MYT1: variants seen among roughly 807,000 people sequenced by gnomAD.
The protein encoded by MYT1 is myelin transcription factor 1, also known as myelin transcription factor I.
Under a neutral mutation model 123.0 loss-of-function variants are expected in MYT1, and 23 were observed. That is an observed-to-expected ratio of 0.19 (90% CI 0.13 to 0.26). MYT1 has a LOEUF of 0.26. Ranked by LOEUF, MYT1 falls within the 10% of genes least tolerant of loss-of-function variation. MYT1 has a pLI of 1.00. For synonymous variants in MYT1, 518 were observed against 575.3 expected, an observed-to-expected ratio of 0.90 and a Z score of 1.43; for missense variants, 1,125 against 1,472.5, an observed-to-expected ratio of 0.76 and a Z score of 3.86.
At chr20:64,172,663 C>T (rs1414276629) in intron 1 of MYT1, among the ~76,000 whole-genome samples, 1 of 151,624 alleles carries the variant, frequency 6.6e-6, no homozygotes, top group Non-Finnish European at 1.5e-5. Flanking sequence ...GCGAAGCCGA[C>T]GTGTCTTCTG....
At chr20:64,239,720 G>A (rs1430188151) in intron 21 of MYT1, 40 bp from the exon 22 acceptor site, 3 of 1,611,808 alleles carry the variant, frequency 1.9e-6, no homozygotes, top group Non-Finnish European at 8.5e-7. Context: ...GAGGATGGGG[G>A]CCAAGGGCAG....
In MYT1 at chr20:64,186,989, C is replaced by T. The variant is rs1481062694; in HGVS notation, c.-98-3074C>T. ...TTTCCGTGGAGAGTTTTCCTGTAGC[C>T]TGTGGCCCCGGCATCCACGTTTCCG... On this transcript the variant is annotated intron_variant, in intron 1 of 22. Transcript: ENST00000328439. The surrounding 1 kb of genome is among the most constrained non-coding windows in gnomAD (Gnocchi z 4.3). Among the ~76,000 whole-genome samples, 1 of 143,026 alleles carries T rather than the reference C, an allele frequency of 7.0e-6. No individual in the cohort carries two copies. The highest frequency in any genetic ancestry group is 2.6e-5 in the African/African-American group (1 of 37,954). The allele number at this position is 143,026 out of a possible 152,430, so 93.8% of individuals were successfully genotyped here.
At chr20:64,222,130 G>A (rs1448711392) in intron 14 of MYT1, 83 bp downstream of exon 14, 29 of 1,503,006 alleles carry the variant, frequency 1.9e-5, no homozygotes, top group African/African-American at 2.8e-5. Flanking sequence ...AACCCATGAC[G>A]ACCGGGTCTG....
At chr20:64,188,503 C>A (rs1428136732) in intron 1 of MYT1, among the ~76,000 whole-genome samples, 1 of 152,176 alleles carries the variant, frequency 6.6e-6, no homozygotes. Flanking sequence ...TGTCTCTCAG[C>A]TTCTGTTGAC....
rs184899693 is a variant in MYT1 at position 64,208,544 on chromosome 20, T to G, written c.1291+57T>G. On this transcript the variant is annotated intron_variant, in intron 7 of 22. Coordinates refer to ENST00000328439, the MANE Select transcript of MYT1 (RefSeq NM_004535.3). This position sits in a 1 kb window ranked among gnomAD's most constrained non-coding sequence, Gnocchi z 5.4. ...CTCATCCTTTCACCCCTGCCCCAGG[T>G]GTGCAGATGCAGGCTGAGAGCCCTT... is the stretch of plus-strand genomic sequence containing the variant. The G allele has an allele frequency of 7.6e-4, 1,152 of 1,522,738 alleles. 3 individuals are homozygous for G. Among genetic ancestry groups the G allele is most frequent in the Non-Finnish European group, 9.8e-4 (1,111 of 1,135,604 alleles). The allele number at this position is 1,522,738 out of a possible 1,614,324, so 94.3% of individuals were successfully genotyped here.
chr20:64,227,871 T>G lies in MYT1; in HGVS notation c.2592-17T>G. The G allele has an allele frequency of 6.2e-7, 1 of 1,610,376 alleles. No individual in the cohort carries two copies. The highest frequency in any genetic ancestry group is 2.2e-5 in the East Asian group (1 of 44,834). On this transcript the variant is annotated splice_polypyrimidine_tract_variant and intron_variant, in intron 17 of 22. Coordinates refer to ENST00000328439, the MANE Select transcript of MYT1 (RefSeq NM_004535.3). ...GTTCCAGCACTAAGGTGGCCTTTTT[T>G]CCTCTTTCGAAATCAGCTTGTCCGG...
intron 21 of MYT1, among the ~76,000 whole-genome samples, chr20:64,237,736 C>A (rs1422878476): frequency 6.6e-6 from 1 of 152,200 alleles, no homozygotes; most frequent in Non-Finnish European, 1.5e-5. Flanking sequence ...TCAAGACCAG[C>A]GGTCCCATTA....
rs1217150562 is a variant in MYT1, at chr20:64,237,300, T to C, written c.3003T>C (p.Asp1001=). 4 of 1,610,930 alleles carry C rather than the reference T, an allele frequency of 2.5e-6. No individual in the cohort carries two copies. The highest frequency in any genetic ancestry group is 3.4e-6 in the Non-Finnish European group (4 of 1,179,262). Residue 1001 remains aspartate (D), a synonymous_variant, in exon 21 of 23, where the codon GAT becomes GAC. Coordinates refer to ENST00000328439, the MANE Select transcript of MYT1 (RefSeq NM_004535.3). The stretch of plus-strand genomic sequence containing the variant: ...TCTCTGGGTCAGTGTTGGAGAATGA[T>C]GAGGAGATCAAGCAGCTGAACCAGG... ...KFKTSDVLEN[D]EEIKQLNQEI...
Position 64,203,470 on chromosome 20 carries a change from C to G in MYT1, c.87-1565C>G, listed in dbSNP as rs1983383803. ...CTCCCTCAGTTTGGAAAGGGAGCCC[C>G]CAGTCGAGTGTGGTGTGCCCTCCCT... On this transcript the variant is annotated intron_variant, in intron 4 of 22. Transcript: ENST00000328439. The surrounding 1 kb of genome is among the most constrained non-coding windows in gnomAD (Gnocchi z 5.1). 6.6e-6 allele frequency among the ~76,000 whole-genome samples: 1 copy of G among 152,128 alleles called. No individual in the cohort carries two copies. The highest frequency in any genetic ancestry group is 2.1e-4 in the South Asian group (1 of 4,824).
At chr20:64,201,916 G>GTGTGTCGGGAACCCC (rs1568708028) in intron 4 of MYT1, among the ~76,000 whole-genome samples, 36 of 138,458 alleles carry the variant, frequency 2.6e-4, no homozygotes, top group African/African-American at 9.0e-4. Flanking sequence ...GGGAACCCCC[G>GTGTGTCGGGAACCCC]CGTGTCGGGA....
chr20:64,222,980 G>C lies in MYT1; in HGVS notation c.2397-131G>C, dbSNP rs896147425. ...GCACCGGCTGTCCTCCAAGGACTGA[G>C]TGGAGGAGGGGCCACCGCTTGGCTC... On this transcript the variant is annotated intron_variant, in intron 14 of 22. Transcript: ENST00000328439. 15 of 913,702 alleles carry C rather than the reference G, an allele frequency of 1.6e-5. No homozygotes were observed. The African/African-American group carries it at 2.3e-4, about 14-fold the overall frequency. The allele number at this position is 913,702 out of a possible 1,614,324, so 56.6% of individuals were successfully genotyped here.
chr20:64,225,372 A>G (rs752831747), intron 16 of MYT1, among the ~76,000 whole-genome samples: 13 of 152,144 alleles, frequency 8.5e-5, no homozygotes, highest in Non-Finnish European at 1.8e-4. Flanking sequence ...CGACAGTCAG[A>G]TGATGTGTGT....
At chr20:64,233,123 C>T (rs1182781834) in intron 19 of MYT1, among the ~76,000 whole-genome samples, 2 of 139,064 alleles carry the variant, frequency 1.4e-5, no homozygotes, top group Non-Finnish European at 3.1e-5. Context: ...CCTCCTTCCC[C>T]TCCCTTCTCC....
intron 4 of MYT1, among the ~76,000 whole-genome samples, chr20:64,200,657 C>G (rs1025975588): frequency 9.9e-5 from 15 of 152,224 alleles, no homozygotes; most frequent in African/African-American, 3.4e-4. Context: ...GTCAGTCACA[C>G]ATCACAGTCT....
At position 64,221,909 on chromosome 20, in the gene MYT1, A is replaced by G; in HGVS notation, c.2258A>G (p.His753Arg). 2.5e-6 allele frequency: 4 copies of G among 1,613,350 alleles called. No individual in the cohort carries two copies. The highest frequency in any genetic ancestry group is 3.4e-6 in the Non-Finnish European group (4 of 1,179,966). Residue 753 changes from histidine to arginine, a missense_variant, in exon 14 of 23, where the codon CAT (histidine) becomes CGT (arginine). Coordinates refer to ENST00000328439, the MANE Select transcript of MYT1 (RefSeq NM_004535.3). ...EEPEESEPAA[H>R]SFASSEADDQ... Reference sequence around the variant, plus strand: ...TTTTTGCAGTCAGAGCCAGCAGCCCATTCTTTTGCTTCTTCTGAAGCAGAT... The same window carrying G: ...TTTTTGCAGTCAGAGCCAGCAGCCCGTTCTTTTGCTTCTTCTGAAGCAGAT...
intron 1 of MYT1, among the ~76,000 whole-genome samples, chr20:64,188,612 T>C (rs146379233): frequency 6.6e-6 from 1 of 152,216 alleles, no homozygotes; most frequent in Non-Finnish European, 1.5e-5. Flanking sequence ...ACTTACGGAA[T>C]CTTCCAATAT....
chr20:64,172,692 A>G (rs1982321582), intron 1 of MYT1, among the ~76,000 whole-genome samples: 1 of 149,662 alleles, frequency 6.7e-6, no homozygotes, highest in African/African-American at 2.5e-5. Context: ...CCAAAGATCC[A>G]TGGGGAAGAC....
At chr20:64,164,933 C>G (rs905333132) in intron 1 of MYT1, among the ~76,000 whole-genome samples, 194 bp downstream of exon 1, 1 of 152,204 alleles carries the variant, frequency 6.6e-6, no homozygotes, top group East Asian at 1.9e-4. Context: ...TCCTCCCTGG[C>G]CTGCCGTGTG....
intron 1 of MYT1, among the ~76,000 whole-genome samples, chr20:64,165,037 G>A (rs1403697625): frequency 6.6e-6 from 1 of 152,084 alleles, no homozygotes; most frequent in Non-Finnish European, 1.5e-5. Flanking sequence ...GGGAAGGGGA[G>A]CGCATATCAA....
Sources: allele counts gnomAD v4.1 joint callset (sites outside exome capture counted in the v4.1 genomes callset), GRCh38; gene constraint gnomAD v4.1.1; non-coding constraint Gnocchi (gnomAD v3.1); transcripts MANE v1.5; gene names NCBI Gene and HGNC (gene_info 2026-07-23, HGNC 2026-07-21).